CACNB2: variants seen among roughly 807,000 people sequenced by gnomAD.
CACNB2 encodes the protein voltage-dependent L-type calcium channel subunit beta-2.
Under a neutral mutation model 73.3 loss-of-function variants are expected in CACNB2, and 42 were observed. That is an observed-to-expected ratio of 0.57 (90% CI 0.45 to 0.74). CACNB2 has a LOEUF of 0.74. Among genes scored for constraint, CACNB2 ranks in the 30% least tolerant of loss-of-function variants. The pLI is 0.00. For missense variants in CACNB2, 940 were observed against 853.0 expected (o/e 1.10, Z -1.27); for synonymous variants, 348 against 310.3 (o/e 1.12, Z -1.28).
intron 1 of CACNB2, chr10:18,141,296 G>A: frequency 8.0e-7 from 1 of 1,246,254 alleles, no homozygotes; most frequent in Non-Finnish European, 1.1e-6. Flanking sequence ...GCTCCGAGCC[G>A]GGGTGGGCGT....
intron 3 of CACNB2, among the ~76,000 whole-genome samples, chr10:18,482,912 A>C (rs1322633536): frequency 6.6e-6 from 1 of 152,152 alleles, no homozygotes; most frequent in Non-Finnish European, 1.5e-5. Context: ...AATGCACCCC[A>C]GTCATAGTGG....
chr10:18,187,969 G>A (rs116430133), intron 2 of CACNB2, among the ~76,000 whole-genome samples: 12 of 152,242 alleles, frequency 7.9e-5, no homozygotes, highest in African/African-American at 2.4e-4. Flanking sequence ...GAGTGATGGC[G>A]GCAGTGTGGG....
intron 3 of CACNB2, among the ~76,000 whole-genome samples, chr10:18,420,986 ATAT>A (rs902803237): frequency 6.6e-6 from 1 of 152,198 alleles, no homozygotes; most frequent in African/African-American, 2.4e-5. Context: ...TTTGTTATTA[ATAT>A]TATACTTTTG....
chr10:18,317,013 A>G (rs10828479), intron 2 of CACNB2, among the ~76,000 whole-genome samples: 79,064 of 151,874 alleles, frequency 0.52, 21,429 homozygotes, highest in Middle Eastern at 0.63. Flanking sequence ...TTTTACCTCT[A>G]CCACCTTCAC....
intron 3 of CACNB2, among the ~76,000 whole-genome samples, chr10:18,469,313 A>G (rs993002615): frequency 6.6e-6 from 1 of 152,200 alleles, no homozygotes; most frequent in Non-Finnish European, 1.5e-5. Flanking sequence ...AGCACCATGG[A>G]CATCGCCATT....
At chr10:18,153,753 T>C (rs1351950842) in intron 2 of CACNB2, among the ~76,000 whole-genome samples, 2 of 150,018 alleles carry the variant, frequency 1.3e-5, no homozygotes, top group African/African-American at 4.9e-5. Context: ...AGCTGATTTT[T>C]GTATTTTTAG....
At chr10:18,338,088 C>A (rs979641306) in intron 2 of CACNB2, among the ~76,000 whole-genome samples, 1 of 152,102 alleles carries the variant, frequency 6.6e-6, no homozygotes, top group Non-Finnish European at 1.5e-5. Context: ...AACCAAAAAG[C>A]TTTCTCATAG....
intron 2 of CACNB2, among the ~76,000 whole-genome samples, chr10:18,400,202 GC>G (rs2043919790): frequency 6.6e-6 from 1 of 152,158 alleles, no homozygotes; most frequent in African/African-American, 2.4e-5. Flanking sequence ...AAAGAACTGT[GC>G]TATATTATGA....
At chr10:18,370,193 G>T (rs2042519353) in intron 2 of CACNB2, among the ~76,000 whole-genome samples, 4 of 152,230 alleles carry the variant, frequency 2.6e-5, no homozygotes, top group Admixed American at 2.0e-4. Flanking sequence ...CACACTTGTG[G>T]CTTCTACTAG....
At position 18,150,855 on chromosome 10, in the gene CACNB2, CTTTTTTTTTT is replaced by C. The variant is rs71402148; in HGVS notation, c.121-12_121-3del. The C allele has an allele frequency of 7.0e-5, 34 of 484,650 alleles. No homozygotes were observed. The highest frequency in any genetic ancestry group is 3.6e-4 in the African/African-American group (8 of 22,364). The allele number at this position is 484,650 out of a possible 1,614,324, so 30.0% of individuals were successfully genotyped here. A position where few individuals can be genotyped will look rare whatever the true frequency, so the allele number is the denominator to read the frequency against. On this transcript the variant is annotated intron_variant, in intron 1 of 13. Coordinates refer to ENST00000324631, the MANE Select transcript of CACNB2 (RefSeq NM_201596.3). ...AGGGTCTCATAATAATCTTATTTGT[CTTTTTTTTTT>C]TTTTTTTTTTTTTTTAGTCATATGG...
intron 9 of CACNB2, among the ~76,000 whole-genome samples, chr10:18,523,593 C>G (rs1164438379): frequency 2.4e-4 from 36 of 152,346 alleles, no homozygotes; most frequent in Admixed American, 2.3e-3. Context: ...CCCCAGTTAA[C>G]AGTCCTCAGA....
At chr10:18,409,042 A>G (rs988690591) in intron 3 of CACNB2, among the ~76,000 whole-genome samples, 1 of 151,872 alleles carries the variant, frequency 6.6e-6, no homozygotes, top group Non-Finnish European at 1.5e-5. Flanking sequence ...TTTTTTTTGT[A>G]ATCTCAGCAC....
intron 2 of CACNB2, among the ~76,000 whole-genome samples, chr10:18,174,344 CT>C (rs1332235005): frequency 2.4e-5 from 3 of 124,206 alleles, no homozygotes; most frequent in East Asian, 2.8e-4. Flanking sequence ...TTCTTTCTTT[CT>C]TTTTTTCCTT....
chr10:18,250,928 A>G (rs1015199161), intron 2 of CACNB2, among the ~76,000 whole-genome samples: 4 of 152,210 alleles, frequency 2.6e-5, no homozygotes, highest in African/African-American at 9.6e-5. Flanking sequence ...TGGGAGGAAA[A>G]GCCGTTTGCT....
rs2132653181 is a variant in CACNB2 at position 18,457,809 on chromosome 10, G to C, written c.334-40546G>C. On this transcript the variant is annotated intron_variant, in intron 3 of 13. Coordinates refer to ENST00000324631, the MANE Select transcript of CACNB2 (RefSeq NM_201596.3). ...GGAGGCTGAGGCAGGAGAATCACTT[G>C]AACCCGGGAGGCGGAGGTTGTGGTG... Among the ~76,000 whole-genome samples the C allele has an allele frequency of 1.3e-5, 2 of 152,220 alleles. 1 individual carries two copies. Among genetic ancestry groups the C allele is most frequent in the East Asian group, 3.9e-4 (2 of 5,170 alleles).
intron 2 of CACNB2, among the ~76,000 whole-genome samples, chr10:18,205,922 G>T (rs891198924): frequency 6.6e-6 from 1 of 152,102 alleles, no homozygotes; most frequent in Admixed American, 6.6e-5. Flanking sequence ...ACCTCTGTGG[G>T]GTGGGTCCAG....
intron 1 of CACNB2, among the ~76,000 whole-genome samples, chr10:18,146,287 CTG>C (rs61706726): frequency 0.016 from 2,422 of 149,330 alleles, 67 homozygotes; most frequent in African/African-American, 0.056. Flanking sequence ...TGAATACGAA[CTG>C]AGAGAGATGG....
intron 3 of CACNB2, among the ~76,000 whole-genome samples, chr10:18,439,543 A>G (rs2046312972): frequency 6.6e-6 from 1 of 152,196 alleles, no homozygotes; most frequent in Admixed American, 6.5e-5. Flanking sequence ...ACAATTTGAA[A>G]CCTTCTCCAA....
chr10:18,359,207 C>A (rs576396626), intron 2 of CACNB2, among the ~76,000 whole-genome samples: 77 of 152,144 alleles, frequency 5.1e-4, no homozygotes, highest in African/African-American at 1.7e-3. Flanking sequence ...CCTACCCCCA[C>A]AAAAATAAAT....
Sources: gnomAD v4.1 joint callset for allele counts (sites outside exome capture counted in the v4.1 genomes callset) on GRCh38, gnomAD v4.1.1 for gene constraint, MANE v1.5 for transcripts, NCBI Gene and HGNC (gene_info 2026-07-23, HGNC 2026-07-21) for gene names.